Variants in DACH1 observed in about 807,000 individuals in gnomAD.
DACH1 encodes the protein dachshund homolog 1.
Under a neutral mutation model 54.2 loss-of-function variants are expected in DACH1, and 12 were observed. The ratio of observed to expected loss-of-function variants is 0.22; its 90% CI spans 0.14 to 0.36. The LOEUF (loss-of-function observed/expected upper bound fraction) is 0.36, where lower values mean the gene tolerates loss of function less well. Among genes scored for constraint, DACH1 ranks in the 10% least tolerant of loss-of-function variants. DACH1 has a pLI of 1.00. For synonymous variants in DACH1, 386 were observed against 366.2 expected (o/e 1.05, Z -0.62); for missense variants, 805 against 929.8 (o/e 0.87, Z 1.75).
intron 1 of DACH1, among the ~76,000 whole-genome samples, chr13:71,726,186 G>A (rs1447513830): frequency 6.6e-6 from 1 of 152,124 alleles, no homozygotes; most frequent in Non-Finnish European, 1.5e-5. Context: ...GCTACAGGGA[G>A]TTGAGGCGAA....
chr13:71,853,320 T>C (rs997688551), intron 1 of DACH1, among the ~76,000 whole-genome samples: 1 of 152,144 alleles, frequency 6.6e-6, no homozygotes, highest in Non-Finnish European at 1.5e-5. Flanking sequence ...CTACTTTCTT[T>C]TAGGGCACAC....
At chr13:71,487,446 A>G (rs1878630813) in intron 7 of DACH1, among the ~76,000 whole-genome samples, 1 of 151,768 alleles carries the variant, frequency 6.6e-6, no homozygotes, top group African/African-American at 2.4e-5. Flanking sequence ...TGAAATAATT[A>G]TAGTTCGAGG....
chr13:71,675,692 G>A (rs1253064565), intron 2 of DACH1, among the ~76,000 whole-genome samples: 1 of 152,124 alleles, frequency 6.6e-6, no homozygotes, highest in Non-Finnish European at 1.5e-5. Flanking sequence ...TAAATGTGGA[G>A]ACGTAAAGCA....
intron 10 of DACH1, among the ~76,000 whole-genome samples, chr13:71,451,492 T>C (rs1363186530): frequency 3.3e-5 from 5 of 152,192 alleles, no homozygotes; most frequent in Non-Finnish European, 7.3e-5. Context: ...AGATGGATGT[T>C]ATGTGGCTCT....
At chr13:71,826,676 A>C (rs1269627070) in intron 1 of DACH1, among the ~76,000 whole-genome samples, 1 of 152,166 alleles carries the variant, frequency 6.6e-6, no homozygotes, top group Non-Finnish European at 1.5e-5. Flanking sequence ...ATATATGTAT[A>C]TGCATACCTA....
chr13:71,796,643 T>C (rs558846737), intron 1 of DACH1, among the ~76,000 whole-genome samples: 4 of 152,160 alleles, frequency 2.6e-5, no homozygotes, highest in Admixed American at 1.3e-4. Context: ...TTCAAACTAA[T>C]TATAAGGCCT....
chr13:71,722,501 G>A (rs1883273670), intron 1 of DACH1, among the ~76,000 whole-genome samples: 1 of 152,134 alleles, frequency 6.6e-6, no homozygotes, highest in South Asian at 2.1e-4. Context: ...TGAAAATTGG[G>A]AAGGGGGTAC....
intron 7 of DACH1, among the ~76,000 whole-genome samples, chr13:71,486,973 T>C (rs1003886459): frequency 3.3e-5 from 5 of 151,714 alleles, no homozygotes; most frequent in Non-Finnish European, 7.4e-5. Flanking sequence ...ACCTCTCGAG[T>C]AGCTGGGATT....
intron 1 of DACH1, among the ~76,000 whole-genome samples, chr13:71,812,365 G>C (rs1887745420): frequency 6.6e-6 from 1 of 151,992 alleles, no homozygotes; most frequent in Admixed American, 6.6e-5. Context: ...ATTAATTGTT[G>C]TTTCAGTTGT....
At chr13:71,493,042 T>TA (rs1286986523) in intron 6 of DACH1, among the ~76,000 whole-genome samples, 36 of 151,334 alleles carry the variant, frequency 2.4e-4, no homozygotes, top group Non-Finnish European at 4.4e-4. Flanking sequence ...TTTTTTTTTT[T>TA]ATGGGCATGT....
intron 3 of DACH1, among the ~76,000 whole-genome samples, chr13:71,624,128 C>T (rs988793036): frequency 5.3e-5 from 8 of 151,678 alleles, no homozygotes; most frequent in African/African-American, 1.9e-4. Flanking sequence ...GGAATAGTAG[C>T]TTAGTACATT....
chr13:71,749,357 G>A (rs1381581333), intron 1 of DACH1, among the ~76,000 whole-genome samples: 1 of 151,958 alleles, frequency 6.6e-6, no homozygotes, highest in African/African-American at 2.4e-5. Flanking sequence ...ATTTTAATTT[G>A]CCTAAAAATA....
chr13:71,563,989 G>T (rs996832395), intron 4 of DACH1, among the ~76,000 whole-genome samples: 1 of 151,878 alleles, frequency 6.6e-6, no homozygotes, highest in East Asian at 1.9e-4. Context: ...GTTCTTTGAA[G>T]AATTTCATTA....
intron 2 of DACH1, among the ~76,000 whole-genome samples, chr13:71,637,111 G>C (rs1178801004): frequency 6.6e-6 from 1 of 152,074 alleles, no homozygotes; most frequent in South Asian, 2.1e-4. Context: ...ACAGTGGCTG[G>C]GGGGAGAGAG....
rs1007125391 is a variant in DACH1 at position 71,694,032 on chromosome 13, C to A, written c.849-12122G>T. On this transcript the variant is annotated intron_variant, in intron 1 of 10. Transcript: ENST00000613252. Reference sequence around the variant, plus strand: ...GTAGTCTCAAATGAGGGTAAAAAAACCTATTAAATCAGAACTCAGACAATC... The same window carrying A: ...GTAGTCTCAAATGAGGGTAAAAAAAACTATTAAATCAGAACTCAGACAATC... Among the ~76,000 whole-genome samples the A allele has an allele frequency of 2.0e-5, 3 of 152,082 alleles. No individual in the cohort carries two copies. In the South Asian group the frequency reaches 6.2e-4, roughly 32 times the overall value.
intron 1 of DACH1, among the ~76,000 whole-genome samples, chr13:71,856,042 G>A (rs936508656): frequency 3.3e-5 from 5 of 151,732 alleles, no homozygotes; most frequent in Admixed American, 1.3e-4. Context: ...AAATTTTGAT[G>A]GCACTTTGGC....
At chr13:71,628,611 T>A (rs1203649398) in intron 3 of DACH1, among the ~76,000 whole-genome samples, 1 of 152,026 alleles carries the variant, frequency 6.6e-6, no homozygotes, top group Non-Finnish European at 1.5e-5. Flanking sequence ...ATCCATCAAC[T>A]GCATACCTTA....
At chr13:71,717,246 C>T (rs1194781705) in intron 1 of DACH1, among the ~76,000 whole-genome samples, 6 of 152,054 alleles carry the variant, frequency 3.9e-5, no homozygotes, top group Non-Finnish European at 4.4e-5. Context: ...TCAAATAATA[C>T]AGAATATTAA....
chr13:71,612,682 G>A (rs568780811), intron 3 of DACH1, among the ~76,000 whole-genome samples: 1 of 152,132 alleles, frequency 6.6e-6, no homozygotes, highest in Admixed American at 6.6e-5. Flanking sequence ...CAGATTAAAT[G>A]AAAAGAATAA....
Sources: allele counts gnomAD v4.1 joint callset (sites outside exome capture counted in the v4.1 genomes callset), GRCh38; gene constraint gnomAD v4.1.1; transcripts MANE v1.5; gene names NCBI Gene and HGNC (gene_info 2026-07-23, HGNC 2026-07-21).